The following PCDH15 variants were observed in gnomAD, a reference collection of about 807,000 sequenced individuals.
PCDH15 encodes the protein protocadherin related 15.
PCDH15 carries 129 observed loss-of-function variants against 178.5 expected under a neutral mutation model. The observed-to-expected ratio is 0.72, with a 90% CI of 0.63 to 0.84. PCDH15 has a LOEUF of 0.84. Among genes scored for constraint, PCDH15 ranks in the 40% least tolerant of loss-of-function variants. The probability of loss-of-function intolerance (pLI) is 0.00; values close to 1 mark genes in which losing one functional copy is unlikely to be tolerated. For missense variants in PCDH15, 2,230 were observed against 2,099.9 expected (o/e 1.06, Z -1.21); for synonymous variants, 800 against 732.0 (o/e 1.09, Z -1.50).
intron 2 of PCDH15, among the ~76,000 whole-genome samples, chr10:55,565,393 A>G (rs182980286): frequency 1.3e-5 from 2 of 151,862 alleles, no homozygotes; most frequent in East Asian, 3.9e-4. Flanking sequence ...TACATTTAAA[A>G]GTAAGAAATA....
chr10:54,430,427 T>A (rs1238916678), intron 3 of PCDH15, among the ~76,000 whole-genome samples: 1 of 152,042 alleles, frequency 6.6e-6, no homozygotes, highest in Non-Finnish European at 1.5e-5. Context: ...ACAAAACAAG[T>A]CTTAAAACAT....
At chr10:55,221,350 A>T (rs546143028) in intron 1 of PCDH15, among the ~76,000 whole-genome samples, 1 of 152,238 alleles carries the variant, frequency 6.6e-6, no homozygotes, top group African/African-American at 2.4e-5. Context: ...TTTATTAAAA[A>T]TTTTACTGAT....
intron 2 of PCDH15, among the ~76,000 whole-genome samples, chr10:55,386,238 G>A (rs897378127): frequency 2.6e-5 from 4 of 151,804 alleles, no homozygotes; most frequent in African/African-American, 9.7e-5. Flanking sequence ...CACTACTCAT[G>A]AGTAATTTTT....
At chr10:55,453,984 T>C (rs1839492318) in intron 2 of PCDH15, among the ~76,000 whole-genome samples, 1 of 152,180 alleles carries the variant, frequency 6.6e-6, no homozygotes, top group Non-Finnish European at 1.5e-5. Context: ...AAATGTTTTT[T>C]ACTTTTATGT....
At chr10:54,845,458 G>A (rs1376302663) in intron 3 of PCDH15, among the ~76,000 whole-genome samples, 1 of 152,070 alleles carries the variant, frequency 6.6e-6, no homozygotes, top group African/African-American at 2.4e-5. Context: ...TTTCTCTACA[G>A]AGAAAGTTGC....
At chr10:54,674,526 C>T (rs961855481) in intron 1 of PCDH15, among the ~76,000 whole-genome samples, 1 of 151,996 alleles carries the variant, frequency 6.6e-6, no homozygotes, top group East Asian at 1.9e-4. Flanking sequence ...TATTTCTAAG[C>T]TTTGATTTGA....
chr10:54,961,390 GC>G (rs2131884421), intron 2 of PCDH15, among the ~76,000 whole-genome samples: 1 of 152,336 alleles, frequency 6.6e-6, no homozygotes, highest in South Asian at 2.1e-4. Flanking sequence ...GCTATGGATG[GC>G]ATGTTGATGG....
intron 2 of PCDH15, among the ~76,000 whole-genome samples, chr10:55,424,769 C>A (rs1838710854): frequency 6.6e-6 from 1 of 151,970 alleles, no homozygotes; most frequent in Admixed American, 6.6e-5. Context: ...CAAACTCTCA[C>A]TCTGAGGGAA....
intron 2 of PCDH15, among the ~76,000 whole-genome samples, chr10:55,001,433 A>C (rs1455288921): frequency 6.6e-6 from 1 of 152,158 alleles, no homozygotes; most frequent in African/African-American, 2.4e-5. Context: ...GAGGCCCTTC[A>C]TGGATTCCAG....
rs371446147 is a variant in PCDH15 at position 55,300,134 on chromosome 10, C to T, written c.-156+19465G>A. Among the ~76,000 whole-genome samples the T allele has an allele frequency of 3.9e-5, 6 of 152,222 alleles. No individual in the cohort carries two copies. The South Asian group carries it at 1.0e-3, about 26-fold the overall frequency. On this transcript the variant is annotated intron_variant, in intron 1 of 5. Transcript: ENST00000458638. The stretch of plus-strand genomic sequence containing the variant: ...GACCTGAGACTACATTTTACCACTT[C>T]CACTTGTTATCCAGAGTTTACCCTA...
chr10:54,905,246 A>G (rs964093538), intron 2 of PCDH15, among the ~76,000 whole-genome samples: 1 of 152,106 alleles, frequency 6.6e-6, no homozygotes, highest in Non-Finnish European at 1.5e-5. Context: ...CTCAACAGGG[A>G]TTAATAATAA....
At chr10:55,041,518 C>G (rs1039045651) in intron 2 of PCDH15, among the ~76,000 whole-genome samples, 2 of 152,048 alleles carry the variant, frequency 1.3e-5, no homozygotes, top group African/African-American at 4.8e-5. Flanking sequence ...TTTCTGAAAG[C>G]AATCACATTG....
chr10:54,319,333 C>G (rs2061453601), intron 7 of PCDH15, among the ~76,000 whole-genome samples: 1 of 152,102 alleles, frequency 6.6e-6, no homozygotes, highest in South Asian at 2.1e-4. Context: ...CACACAATAG[C>G]ATATGATTCA....
chr10:54,140,534 T>C (rs2043302776), intron 14 of PCDH15, among the ~76,000 whole-genome samples: 1 of 151,928 alleles, frequency 6.6e-6, no homozygotes, highest in East Asian at 1.9e-4. Context: ...AGTGGAGTGA[T>C]CTCAGCTCAC....
At chr10:55,543,643 CT>C (rs770148373) in intron 2 of PCDH15, among the ~76,000 whole-genome samples, 257 of 145,992 alleles carry the variant, frequency 1.8e-3, no homozygotes, top group African/African-American at 5.5e-3. Flanking sequence ...ATATTTGCCA[CT>C]TTTTTTTTTT....
intron 2 of PCDH15, among the ~76,000 whole-genome samples, chr10:54,537,357 G>A (rs1010614886): frequency 5.3e-5 from 8 of 152,090 alleles, no homozygotes; most frequent in African/African-American, 1.9e-4. Context: ...TAATAGAAGA[G>A]CTGGTATCAA....
At chr10:54,007,571 A>G (rs1416907322) in intron 20 of PCDH15, among the ~76,000 whole-genome samples, 2 of 152,152 alleles carry the variant, frequency 1.3e-5, no homozygotes, top group East Asian at 3.8e-4. Context: ...TATTTGTTTG[A>G]TCATCACAGG....
intron 1 of PCDH15, among the ~76,000 whole-genome samples, chr10:55,317,122 G>T (rs1054181556): frequency 2.6e-5 from 4 of 152,096 alleles, no homozygotes; most frequent in African/African-American, 9.7e-5. Context: ...GGGCAGATAG[G>T]GGAGGAGGGC....
intron 3 of PCDH15, among the ~76,000 whole-genome samples, chr10:54,816,445 T>C (rs1172736906): frequency 6.6e-6 from 1 of 152,052 alleles, no homozygotes. Flanking sequence ...GAAACGACTA[T>C]TTCATAGCAC....
Sources: gnomAD v4.1 joint callset for allele counts (sites outside exome capture counted in the v4.1 genomes callset) on GRCh38, gnomAD v4.1.1 for gene constraint, MANE v1.5 for transcripts, NCBI Gene and HGNC (gene_info 2026-07-23, HGNC 2026-07-21) for gene names.